PCDHGB3: variants seen among roughly 807,000 people sequenced by gnomAD.
PCDHGB3 encodes the protein protocadherin gamma-B3.
A neutral mutation model predicts 59.2 loss-of-function variants in PCDHGB3; 40 were observed. That is an observed-to-expected ratio of 0.68 (90% confidence interval 0.52 to 0.88). PCDHGB3 has a LOEUF of 0.88. Ranked by LOEUF, PCDHGB3 falls within the 40% of genes least tolerant of loss-of-function variation. The pLI is 0.00. For missense variants in PCDHGB3, 1,309 were observed against 1,187.9 expected (o/e 1.10, Z -1.50); for synonymous variants, 581 against 503.6 (o/e 1.15, Z -2.06).
At position 141,418,812 on chromosome 5, in the gene PCDHGB3, A is replaced by T. The variant is rs761899929; in HGVS notation, c.2415+46003A>T. 4 of 1,613,914 alleles carry T rather than the reference A, an allele frequency of 2.5e-6. No individual in the cohort carries two copies. In the South Asian group the frequency reaches 4.4e-5, roughly 18 times the overall value. On this transcript the variant is annotated intron_variant, in intron 1 of 3. Transcript: ENST00000576222. ...GAAGAAGTAGAAAGATATACGATAA[A>T]CATAGAAGCAAAAGACCGAGGATCT... is the stretch of plus-strand genomic sequence containing the variant.
At position 141,372,767 on chromosome 5, in the gene PCDHGB3, T is replaced by C; in HGVS notation, c.2373T>C (p.Asn791=). The C allele has an allele frequency of 6.2e-7, 1 of 1,612,184 alleles. No individual in the cohort carries two copies. The highest frequency in any genetic ancestry group is 8.5e-7 in the Non-Finnish European group (1 of 1,178,902). ...LCDEASWFES[N]DNPEMPSNSG... is the part of the protein sequence containing the mutation. Reference sequence around the variant, plus strand: ...ATGAAGCCTCTTGGTTTGAAAGTAATGACAATCCAGAAATGCCTTCTAATT... The same window carrying C: ...ATGAAGCCTCTTGGTTTGAAAGTAACGACAATCCAGAAATGCCTTCTAATT... Residue 791 remains asparagine (N), a synonymous_variant, in exon 1 of 4, where the codon AAT becomes AAC. Coordinates refer to ENST00000576222, the MANE Select transcript of PCDHGB3 (RefSeq NM_018924.5).
chr5:141,413,541 GATAGAA>G (rs2095653692), intron 1 of PCDHGB3: 1 of 1,613,904 alleles, frequency 6.2e-7, no homozygotes, highest in Non-Finnish European at 8.5e-7. Flanking sequence ...AACTTTTTGG[GATAGAA>G]ATAGAAGTAA....
intron 1 of PCDHGB3, chr5:141,416,261 A>G (rs2096009073): frequency 6.6e-6 from 1 of 152,294 alleles, no homozygotes; most frequent in Non-Finnish European, 1.5e-5. Flanking sequence ...ACACTGCAGT[A>G]TCCTTTTTGC....
chr5:141,395,259 C>A, intron 1 of PCDHGB3: 1 of 1,551,968 alleles, frequency 6.4e-7, no homozygotes, highest in South Asian at 1.2e-5. Context: ...TCTTTGCTTG[C>A]TTTTAATTTC....
chr5:141,406,761 A>T (rs1327829124), intron 1 of PCDHGB3, among the ~76,000 whole-genome samples: 1 of 152,234 alleles, frequency 6.6e-6, no homozygotes. Flanking sequence ...ACAAGGAATT[A>T]AAAATATTTC....
intron 1 of PCDHGB3, among the ~76,000 whole-genome samples, chr5:141,433,397 A>ATCTC (rs1179042498): frequency 6.6e-6 from 1 of 150,410 alleles, no homozygotes; most frequent in African/African-American, 2.5e-5. Flanking sequence ...CTATCTATCT[A>ATCTC]TCTATCTATT....
At chr5:141,436,691 A>G (rs2097840863) in intron 1 of PCDHGB3, among the ~76,000 whole-genome samples, 1 of 152,226 alleles carries the variant, frequency 6.6e-6, no homozygotes, top group Admixed American at 6.5e-5. Context: ...TATATTTTCA[A>G]TGCCAGCACA....
chr5:141,418,509 G>A, intron 1 of PCDHGB3: 1 of 1,613,986 alleles, frequency 6.2e-7, no homozygotes. Context: ...GCCTTAGATG[G>A]TGGGGACCCT....
In PCDHGB3 at chr5:141,375,370, A is replaced by T. The variant is rs772477616; in HGVS notation, c.2415+2561A>T. ...CTGTGACAGCCACGGACAAAGGAAC[A>T]CCACCTCTGTCTACAGAAACAATCA... On this transcript the variant is annotated intron_variant, in intron 1 of 3. Transcript: ENST00000576222. The T allele has an allele frequency of 2.5e-6, 4 of 1,613,890 alleles. No individual in the cohort carries two copies. In the South Asian group the frequency reaches 4.4e-5, roughly 18 times the overall value.
intron 1 of PCDHGB3, chr5:141,423,124 C>T (rs748586131): frequency 1.9e-6 from 3 of 1,613,778 alleles, no homozygotes; most frequent in Non-Finnish European, 1.7e-6. Context: ...AGCGCGGGCA[C>T]TGCTGGACAG....
At position 141,432,900 on chromosome 5, in the gene PCDHGB3, T is replaced by A. The variant is rs139221180; in HGVS notation, c.2415+60091T>A. ...GCCTTCGTCATCTTGCTGCTGGCGCTCAGGCTGCGGCGCTGGCACAAGTCA... is the reference window on the plus strand; with the variant it reads ...GCCTTCGTCATCTTGCTGCTGGCGCACAGGCTGCGGCGCTGGCACAAGTCA... On this transcript the variant is annotated intron_variant, in intron 1 of 3. Transcript: ENST00000576222. The surrounding 1 kb of genome is among the most constrained non-coding windows in gnomAD (Gnocchi z 6.0). The A allele has an allele frequency of 7.9e-5, 128 of 1,614,174 alleles. No homozygotes were observed. The highest frequency in any genetic ancestry group is 7.4e-4 in the East Asian group (33 of 44,868).
intron 1 of PCDHGB3, among the ~76,000 whole-genome samples, chr5:141,433,818 CA>C (rs2097653666): frequency 7.5e-6 from 1 of 133,558 alleles, no homozygotes; most frequent in African/African-American, 2.9e-5. Flanking sequence ...GCCTGGGCAA[CA>C]AGAGTGAAAC....
At chr5:141,400,192 G>A (rs1411721247) in intron 1 of PCDHGB3, 1 of 1,614,088 alleles carries the variant, frequency 6.2e-7, no homozygotes, top group South Asian at 1.1e-5. Context: ...GTTTTACCTA[G>A]TGGTGGCCTT....
chr5:141,421,593 G>A lies in PCDHGB3; in HGVS notation c.2415+48784G>A, dbSNP rs780085355. ...CCTTGAAGATTTACGGAGTGGAGGTGGAAATAATAGATATTAATGATAACG... is the reference window on the plus strand; with the variant it reads ...CCTTGAAGATTTACGGAGTGGAGGTAGAAATAATAGATATTAATGATAACG... On this transcript the variant is annotated intron_variant, in intron 1 of 3. Coordinates refer to ENST00000576222, the MANE Select transcript of PCDHGB3 (RefSeq NM_018924.5). 6 of 1,613,840 alleles carry A rather than the reference G, an allele frequency of 3.7e-6. No individual in the cohort carries two copies. In the East Asian group the frequency reaches 1.1e-4, roughly 30 times the overall value.
intron 1 of PCDHGB3, among the ~76,000 whole-genome samples, chr5:141,464,221 C>T (rs570804761): frequency 2.9e-4 from 44 of 149,624 alleles, no homozygotes; most frequent in African/African-American, 9.6e-4. Flanking sequence ...GCTGAGATTG[C>T]GCCACTGCAC....
intron 1 of PCDHGB3, chr5:141,441,139 G>C (rs1000704603): frequency 6.6e-6 from 1 of 152,172 alleles, no homozygotes; most frequent in African/African-American, 2.4e-5. Context: ...ATTTCTAGAA[G>C]ATAATGACAA....
At chr5:141,374,511 T>A in intron 1 of PCDHGB3, 2 of 1,611,912 alleles carry the variant, frequency 1.2e-6, no homozygotes, top group Non-Finnish European at 8.5e-7. Flanking sequence ...GTGAAAATTC[T>A]CGAAAACGCA....
intron 1 of PCDHGB3, chr5:141,383,126 C>T (rs1024955582): frequency 6.2e-7 from 1 of 1,614,062 alleles, no homozygotes; most frequent in African/African-American, 1.3e-5. Context: ...CAGCTTTTCG[C>T]CCTGAACCAG....
Position 141,431,103 on chromosome 5 carries a change from A to C in PCDHGB3, c.2415+58294A>C, listed in dbSNP as rs769542343. On this transcript the variant is annotated intron_variant, in intron 1 of 3. Coordinates refer to ENST00000576222, the MANE Select transcript of PCDHGB3 (RefSeq NM_018924.5). This position sits in a 1 kb window ranked among gnomAD's most constrained non-coding sequence, Gnocchi z 4.8. ...GACATTCTGATGGAGGATAAAGTGA[A>C]AATATATGGAGTAGAAGTAGAAGTA... 6.2e-7 allele frequency: 1 copy of C among 1,614,246 alleles called. No individual in the cohort carries two copies.
Sources: allele counts gnomAD v4.1 joint callset (sites outside exome capture counted in the v4.1 genomes callset), GRCh38; gene constraint gnomAD v4.1.1; non-coding constraint Gnocchi (gnomAD v3.1); transcripts MANE v1.5; gene names NCBI Gene and HGNC (gene_info 2026-07-23, HGNC 2026-07-21).